Variants in B4GALT5 observed in about 807,000 individuals in gnomAD.
B4GALT5 encodes UDP-Gal:beta-GlcNAc beta-1,4-galactosyltransferase 5.
In B4GALT5, 11 loss-of-function variants were observed where a neutral mutation model predicts 45.0. The ratio of observed to expected loss-of-function variants is 0.24; its 90% CI spans 0.15 to 0.40. B4GALT5 has a LOEUF of 0.40. Ranked by LOEUF, B4GALT5 falls within the 10% of genes least tolerant of loss-of-function variation. The probability of loss-of-function intolerance (pLI) is 1.00; values close to 1 mark genes in which losing one functional copy is unlikely to be tolerated. For missense variants in B4GALT5, 337 were observed against 500.2 expected, an observed-to-expected ratio of 0.67 and a Z score of 3.11; for synonymous variants, 185 against 182.9, an observed-to-expected ratio of 1.01 and a Z score of -0.09.
chr20:49,698,047 C>T (rs936946851), intron 1 of B4GALT5, among the ~76,000 whole-genome samples: 3 of 152,130 alleles, frequency 2.0e-5, no homozygotes, highest in African/African-American at 7.2e-5. Context: ...TCCAGCCGGG[C>T]GCGGTGGCTC....
At chr20:49,701,037 T>G (rs1290372368) in intron 1 of B4GALT5, among the ~76,000 whole-genome samples, 2 of 152,090 alleles carry the variant, frequency 1.3e-5, no homozygotes, top group African/African-American at 4.8e-5. Context: ...CACCCAAAAC[T>G]AAAAATTTAC....
intron 1 of B4GALT5, among the ~76,000 whole-genome samples, chr20:49,702,619 C>T (rs1430380523): frequency 2.6e-5 from 4 of 151,776 alleles, no homozygotes; most frequent in Non-Finnish European, 4.4e-5. Context: ...CTCTGGGAGG[C>T]GGGGGTGGGA....
chr20:49,651,073 C>T (rs1380751651), intron 2 of B4GALT5, among the ~76,000 whole-genome samples: 1 of 152,172 alleles, frequency 6.6e-6, no homozygotes, highest in African/African-American at 2.4e-5. Flanking sequence ...CACCCAAGGT[C>T]AGGAGTTCCA....
intron 3 of B4GALT5, among the ~76,000 whole-genome samples, chr20:49,645,035 AAAG>A (rs1321090833): frequency 2.0e-5 from 3 of 152,356 alleles, no homozygotes; most frequent in African/African-American, 7.2e-5. Context: ...GATTCAAAAA[AAAG>A]AACAAAAAGA....
At chr20:49,646,206 A>G (rs1244733278) in intron 3 of B4GALT5, among the ~76,000 whole-genome samples, 1 of 152,180 alleles carries the variant, frequency 6.6e-6, no homozygotes, top group African/African-American at 2.4e-5. Flanking sequence ...AGTAAGGTTC[A>G]TCTACCATTA....
chr20:49,638,111 C>G (rs1394282766), intron 7 of B4GALT5, among the ~76,000 whole-genome samples: 1 of 151,932 alleles, frequency 6.6e-6, no homozygotes, highest in Non-Finnish European at 1.5e-5. Flanking sequence ...CTCAATCTCC[C>G]AGGCTCAATT....
At position 49,635,944 on chromosome 20, in the gene B4GALT5, G is replaced by A. The variant is rs1408759711; in HGVS notation, c.*368C>T. 2 of 211,968 alleles carry A rather than the reference G, an allele frequency of 9.4e-6. No homozygotes were observed. Among genetic ancestry groups the A allele is most frequent in the Non-Finnish European group, 1.9e-5 (2 of 103,664 alleles). The allele number at this position is 211,968 out of a possible 1,614,324, so 13.1% of individuals were successfully genotyped here. On this transcript the variant is annotated 3_prime_UTR_variant, in exon 9 of 9. Coordinates refer to ENST00000371711, the MANE Select transcript of B4GALT5 (RefSeq NM_004776.4). ...GGCTCCAAGGTCATGTGTAGGGACA[G>A]GCTCCACGGCAGGACCACGGCAGGA...
chr20:49,703,197 A>G (rs974236424), intron 1 of B4GALT5, among the ~76,000 whole-genome samples: 1 of 151,444 alleles, frequency 6.6e-6, no homozygotes, highest in Non-Finnish European at 1.5e-5. Flanking sequence ...TGATTACTGC[A>G]TAACATTATG....
intron 2 of B4GALT5, among the ~76,000 whole-genome samples, chr20:49,653,886 G>T (rs1196835358): frequency 6.6e-6 from 1 of 152,254 alleles, no homozygotes; most frequent in East Asian, 1.9e-4. Context: ...CTCCAAGGGT[G>T]AAACTCACCT....
intron 2 of B4GALT5, 55 bp downstream of exon 2, chr20:49,656,513 T>A: frequency 1.3e-6 from 2 of 1,593,886 alleles, no homozygotes; most frequent in Non-Finnish European, 1.7e-6. Context: ...CAACCGAATT[T>A]ACCTCTCTTG....
At chr20:49,708,737 G>A (rs2085895258) in intron 1 of B4GALT5, among the ~76,000 whole-genome samples, 1 of 152,114 alleles carries the variant, frequency 6.6e-6, no homozygotes, top group African/African-American at 2.4e-5. Context: ...CACGAGGTCA[G>A]GAGTTCAAGA....
chr20:49,661,580 G>A (rs1367196411), intron 1 of B4GALT5, among the ~76,000 whole-genome samples: 1 of 152,150 alleles, frequency 6.6e-6, no homozygotes, highest in East Asian at 1.9e-4. Context: ...ATATGGTCCT[G>A]CGCAACAGTG....
chr20:49,712,064 A>T (rs1288294490), intron 1 of B4GALT5, among the ~76,000 whole-genome samples: 3 of 152,156 alleles, frequency 2.0e-5, no homozygotes, highest in Non-Finnish European at 1.5e-5. Context: ...ATCATTTTTC[A>T]CCATAAACTG....
At position 49,639,740 on chromosome 20, in the gene B4GALT5, T is replaced by A. The variant is rs918623740; in HGVS notation, c.855A>T (p.Lys285Asn). 1 of 1,613,664 alleles carries A rather than the reference T, an allele frequency of 6.2e-7. No homozygotes were observed. Among genetic ancestry groups the A allele is most frequent in the African/African-American group, 1.3e-5 (1 of 74,880 alleles). ...VSGLTVEQFR[K>N]INGFPNAFWG... ...AGAAAGCATTAGGAAAGCCATTGAT[T>A]TTCCGAAATTGTTCCACTGTTAAGC... The change falls in exon 7 of 9, where the codon AAA becomes AAT. Residue 285 changes from lysine to asparagine, a missense_variant. Physicochemically the swap from Lys to Asn is moderately conservative, Grantham distance 94. This residue lies in a region of B4GALT5 where 163 missense variants were observed against 292.8 expected (regional missense o/e 0.56). Coordinates refer to ENST00000371711, the MANE Select transcript of B4GALT5 (RefSeq NM_004776.4).
At chr20:49,666,286 G>T (rs890217850) in intron 1 of B4GALT5, among the ~76,000 whole-genome samples, 16 of 152,166 alleles carry the variant, frequency 1.1e-4, no homozygotes, top group African/African-American at 3.6e-4. Flanking sequence ...CATCTCCATG[G>T]CATGTAGAGT....
rs1468341935 is a variant in B4GALT5 at position 49,637,325 on chromosome 20, G to A, written c.1019+16C>T. On this transcript the variant is annotated intron_variant, in intron 8 of 8. Transcript: ENST00000371711. ...ATAGGGGATACTTCTAAGAGACAGA[G>A]ATAAATTCCACCAACCTTCCAAGAA... is the stretch of plus-strand genomic sequence containing the variant. The A allele has an allele frequency of 1.3e-6, 2 of 1,597,666 alleles. No individual in the cohort carries two copies. Among genetic ancestry groups the A allele is most frequent in the Admixed American group, 1.7e-5 (1 of 59,980 alleles).
chr20:49,713,749 C>T lies in B4GALT5; in HGVS notation c.-59G>A, dbSNP rs2085932499. ...GGGCCTGCTCCCGCAGCTCCCCGTC[C>T]GCCGCCTCCTGGGCCGCCGCCGCCA... On this transcript the variant is annotated 5_prime_UTR_variant, in exon 1 of 9. Coordinates refer to ENST00000371711, the MANE Select transcript of B4GALT5 (RefSeq NM_004776.4). 3.4e-6 allele frequency: 2 copies of T among 593,366 alleles called. No homozygotes were observed. Among genetic ancestry groups the T allele is most frequent in the Non-Finnish European group, 4.7e-6 (2 of 426,470 alleles). The allele number at this position is 593,366 out of a possible 1,614,324, so 36.8% of individuals were successfully genotyped here.
chr20:49,663,620 C>A (rs1441701392), intron 1 of B4GALT5, among the ~76,000 whole-genome samples: 1 of 139,198 alleles, frequency 7.2e-6, no homozygotes, highest in Admixed American at 7.8e-5. Flanking sequence ...AGGAGGCTGG[C>A]TTGAGCCCAG....
chr20:49,651,621 T>C lies in B4GALT5; in HGVS notation c.251-4543A>G, dbSNP rs566933286. Among the ~76,000 whole-genome samples, 316 of 148,762 alleles carry C rather than the reference T, an allele frequency of 2.1e-3. 2 individuals are homozygous for C. The highest frequency in any genetic ancestry group is 7.5e-3 in the African/African-American group (301 of 40,386). On this transcript the variant is annotated intron_variant, in intron 2 of 8. Transcript: ENST00000371711. ...AAAAAGAAGATAGATAGATAGAAAA[T>C]GGGAAAACAACAGACTCCTACCTAC...
Sources: gnomAD v4.1 joint callset for allele counts (sites outside exome capture counted in the v4.1 genomes callset) on GRCh38, gnomAD v4.1.1 for gene constraint, gnomAD v4.1.1 regional missense constraint, MANE v1.5 for transcripts, NCBI Gene and HGNC (gene_info 2026-07-23, HGNC 2026-07-21) for gene names.